Variants in BRINP2 observed in about 807,000 individuals in gnomAD.
The protein encoded by BRINP2 is BMP/retinoic acid inducible neural specific 2.
BRINP2 carries 21 observed loss-of-function variants against 69.2 expected under a neutral mutation model. That is an observed-to-expected ratio of 0.30 (90% CI 0.22 to 0.44). The LOEUF (loss-of-function observed/expected upper bound fraction) is 0.44. BRINP2 is among the 20% of genes least tolerant of loss of function. BRINP2 has a pLI of 1.00. For synonymous variants in BRINP2, 380 were observed against 394.1 expected (o/e 0.96, Z 0.42); for missense variants, 877 against 986.0 (o/e 0.89, Z 1.48).
At chr1:177,175,512 G>A (rs1354568693) in intron 1 of BRINP2, among the ~76,000 whole-genome samples, 3 of 152,188 alleles carry the variant, frequency 2.0e-5, no homozygotes, top group Non-Finnish European at 2.9e-5. Context: ...GAGAGGACTG[G>A]TAACACAACA....
chr1:177,191,938 A>G (rs1317964735), intron 1 of BRINP2, among the ~76,000 whole-genome samples: 2 of 152,222 alleles, frequency 1.3e-5, no homozygotes. Context: ...TATATAAAAC[A>G]TGTATTTCTT....
intron 1 of BRINP2, among the ~76,000 whole-genome samples, chr1:177,221,386 C>T (rs371632338): frequency 5.9e-5 from 9 of 152,108 alleles, no homozygotes; most frequent in African/African-American, 1.4e-4. Context: ...ACACATAAAA[C>T]GGAGACAGAC....
At chr1:177,174,608 G>A (rs977361508) in intron 1 of BRINP2, among the ~76,000 whole-genome samples, 5 of 152,148 alleles carry the variant, frequency 3.3e-5, no homozygotes, top group African/African-American at 7.2e-5. Context: ...TGAGGGATGC[G>A]GTGGGATTTG....
At chr1:177,234,967 C>T (rs984104315) in intron 2 of BRINP2, among the ~76,000 whole-genome samples, 10 of 152,128 alleles carry the variant, frequency 6.6e-5, no homozygotes, top group African/African-American at 2.2e-4. Flanking sequence ...AGCAACAACC[C>T]TAAGAAAGAA....
chr1:177,235,765 C>T (rs1175329076), intron 2 of BRINP2, among the ~76,000 whole-genome samples: 2 of 152,140 alleles, frequency 1.3e-5, no homozygotes, highest in South Asian at 2.1e-4. Context: ...CAGTGATTTC[C>T]AAGGTGTGCA....
At chr1:177,203,749 G>A (rs1266896549) in intron 1 of BRINP2, among the ~76,000 whole-genome samples, 1 of 152,100 alleles carries the variant, frequency 6.6e-6, no homozygotes, top group Non-Finnish European at 1.5e-5. Flanking sequence ...CGGACCAAAA[G>A]AAATAATATG....
intron 2 of BRINP2, among the ~76,000 whole-genome samples, chr1:177,250,945 A>C (rs79206674): frequency 3.3e-5 from 5 of 152,268 alleles, no homozygotes; most frequent in Admixed American, 1.3e-4. Flanking sequence ...TTTCCCCCTT[A>C]TATGGTGTTT....
intron 1 of BRINP2, among the ~76,000 whole-genome samples, chr1:177,209,932 G>A (rs551614694): frequency 6.6e-6 from 1 of 152,196 alleles, no homozygotes; most frequent in East Asian, 1.9e-4. Flanking sequence ...TCAGCACCTG[G>A]CAACAATTAT....
intron 3 of BRINP2, chr1:177,256,768 T>C: frequency 1.8e-6 from 2 of 1,104,358 alleles, no homozygotes; most frequent in South Asian, 4.9e-5. Context: ...GCGGCAGGTG[T>C]TGAGTGTTTG....
intron 4 of BRINP2, among the ~76,000 whole-genome samples, chr1:177,272,026 A>G (rs1227682870): frequency 6.6e-6 from 1 of 152,162 alleles, no homozygotes; most frequent in African/African-American, 2.4e-5. Context: ...CATATTCACC[A>G]TGGTAACAAG....
At position 177,171,070 on chromosome 1, in the gene BRINP2, T is replaced by C. The variant is rs1467587084; in HGVS notation, c.-739T>C. 6.6e-6 allele frequency among the ~76,000 whole-genome samples: 1 copy of C among 152,246 alleles called. No individual in the cohort carries two copies. The highest frequency in any genetic ancestry group is 1.5e-5 in the Non-Finnish European group (1 of 68,030). The stretch of plus-strand genomic sequence containing the variant: ...CCTCGCAAGCTGCTCGCCGCTGCGC[T>C]GGCAGCGCTTACGCTGAGCTCGGAG... On this transcript the variant is annotated 5_prime_UTR_variant, in exon 1 of 8. Coordinates refer to ENST00000361539, the MANE Select transcript of BRINP2 (RefSeq NM_021165.4).
At chr1:177,187,990 G>A (rs1311021123) in intron 1 of BRINP2, among the ~76,000 whole-genome samples, 1 of 152,006 alleles carries the variant, frequency 6.6e-6, no homozygotes, top group Non-Finnish European at 1.5e-5. Flanking sequence ...AATTTTCTGA[G>A]CCTCTATTTT....
chr1:177,201,103 G>A (rs1057451777), intron 1 of BRINP2, among the ~76,000 whole-genome samples: 3 of 151,588 alleles, frequency 2.0e-5, no homozygotes, highest in African/African-American at 7.3e-5. Context: ...TCAAGTGATG[G>A]GTGCACCAAA....
chr1:177,230,100 T>C lies in BRINP2; in HGVS notation c.224T>C (p.Met75Thr), dbSNP rs1447675144. Residue 75 changes from methionine to threonine, a missense_variant, in exon 2 of 8, where the codon ATG (methionine) becomes ACG (threonine). Coordinates refer to ENST00000361539, the MANE Select transcript of BRINP2 (RefSeq NM_021165.4). ...CGCGCTCAGGAGTATGCTGACTTCA[T>C]GGAGCGGTACCGCCAGGGTTTCACC... is the stretch of plus-strand genomic sequence containing the variant. Reference protein sequence around the residue: ...FHRAQEYADFMERYRQGFTTR... With the variant: ...FHRAQEYADFTERYRQGFTTR... The C allele has an allele frequency of 1.9e-6, 3 of 1,613,320 alleles. No homozygotes were observed. Among genetic ancestry groups the C allele is most frequent in the Admixed American group, 3.3e-5 (2 of 59,976 alleles).
In BRINP2 at chr1:177,280,602, C is replaced by A. The variant is rs145874613; in HGVS notation, c.1426C>A (p.Arg476Ser). 1 of 1,614,088 alleles carries A rather than the reference C, an allele frequency of 6.2e-7. No homozygotes were observed. The highest frequency in any genetic ancestry group is 2.2e-5 in the East Asian group (1 of 44,878). Reference protein sequence around the residue: ...CAHCAPDNSTRCGSCNPGYVL... With the variant: ...CAHCAPDNSTSCGSCNPGYVL... ...CCACTGTGCTCCAGACAATAGCACA[C>A]GCTGTGGGAGCTGCAACCCGGGCTA... Residue 476 changes from arginine (R) to serine (S), a missense_variant, in exon 8 of 8, where the codon CGC (arginine) becomes AGC (serine). Physicochemically the swap from Arg to Ser is moderately radical, Grantham distance 110 (BLOSUM62 -1). Coordinates refer to ENST00000361539, the MANE Select transcript of BRINP2 (RefSeq NM_021165.4).
chr1:177,201,335 G>A (rs542507567), intron 1 of BRINP2, among the ~76,000 whole-genome samples: 55 of 152,212 alleles, frequency 3.6e-4, no homozygotes, highest in African/African-American at 1.3e-3. Context: ...TGGACAGGAC[G>A]CTTCAGGCAA....
chr1:177,276,538 C>T, intron 6 of BRINP2, 104 bp downstream of exon 6: 1 of 981,692 alleles, frequency 1.0e-6, no homozygotes, highest in Non-Finnish European at 1.5e-6. Context: ...TCATGGGGAT[C>T]CTGACATGAC....
intron 1 of BRINP2, among the ~76,000 whole-genome samples, chr1:177,209,531 G>C (rs1649164097): frequency 6.6e-6 from 1 of 152,164 alleles, no homozygotes; most frequent in Admixed American, 6.5e-5. Flanking sequence ...AGAATGGTGG[G>C]GCTGGGCAAT....
intron 1 of BRINP2, among the ~76,000 whole-genome samples, chr1:177,194,745 G>T (rs1346799511): frequency 1.4e-5 from 2 of 146,702 alleles, no homozygotes; most frequent in African/African-American, 5.4e-5. Context: ...GAAAATGTAG[G>T]ACTCTTAAGT....
Sources: gnomAD v4.1 joint callset for allele counts (sites outside exome capture counted in the v4.1 genomes callset) on GRCh38, gnomAD v4.1.1 for gene constraint, MANE v1.5 for transcripts, NCBI Gene and HGNC (gene_info 2026-07-23, HGNC 2026-07-21) for gene names.